Variants in GBE1 observed in about 807,000 individuals in gnomAD.
GBE1 encodes 1,4-alpha-glucan-branching enzyme.
GBE1 carries 70 observed loss-of-function variants against 88.8 expected under a neutral mutation model. The ratio of observed to expected loss-of-function variants is 0.79; its 90% CI spans 0.65 to 0.96. The LOEUF is 0.96. Ranked by LOEUF, GBE1 falls within the 40% of genes least tolerant of loss-of-function variation. The pLI, the probability that GBE1 is intolerant of heterozygous loss-of-function variation, is 0.00. For missense variants in GBE1, 872 were observed against 871.0 expected (o/e 1.00, Z -0.01); for synonymous variants, 284 against 300.1 (o/e 0.95, Z 0.56).
chr3:81,634,644 CAG>C (rs914665609), intron 7 of GBE1, among the ~76,000 whole-genome samples: 51 of 151,784 alleles, frequency 3.4e-4, no homozygotes, highest in African/African-American at 7.7e-4. Context: ...GATCAAGAGA[CAG>C]GGGGAAAAAA....
chr3:81,609,226 A>G (rs183171667), intron 7 of GBE1, among the ~76,000 whole-genome samples: 2 of 152,270 alleles, frequency 1.3e-5, no homozygotes, highest in Non-Finnish European at 2.9e-5. Context: ...CTTTTACTGA[A>G]AACTCAAAAC....
At chr3:81,757,921 G>A (rs1392839280) in intron 1 of GBE1, among the ~76,000 whole-genome samples, 1 of 152,138 alleles carries the variant, frequency 6.6e-6, no homozygotes, top group Admixed American at 6.5e-5. Flanking sequence ...TGATCCCAGG[G>A]AAGAACCTTG....
At chr3:81,533,630 C>T (rs556865392) in intron 14 of GBE1, among the ~76,000 whole-genome samples, 1 of 152,190 alleles carries the variant, frequency 6.6e-6, no homozygotes, top group East Asian at 1.9e-4. Flanking sequence ...TCCACTTCAT[C>T]AAGGGATGTC....
At chr3:81,761,258 T>A in intron 1 of GBE1, 117 bp downstream of exon 1, 1 of 1,353,230 alleles carries the variant, frequency 7.4e-7, no homozygotes, top group Non-Finnish European at 1.0e-6. Context: ...CCACTCAGGT[T>A]CCTCCCCGCC....
At chr3:81,552,244 G>T (rs1438708017) in intron 12 of GBE1, among the ~76,000 whole-genome samples, 2 of 152,182 alleles carry the variant, frequency 1.3e-5, no homozygotes, top group East Asian at 1.9e-4. Context: ...TAGGCTGGGC[G>T]TGGTGGCTCA....
In GBE1 at chr3:81,578,077, G is replaced by A. The variant is rs778264013; in HGVS notation, c.1466C>T (p.Ser489Leu). The change falls in exon 12 of 16, where the codon TCG becomes TTG. Residue 489 changes from serine (S) to leucine (L), a missense_variant. Coordinates refer to ENST00000429644, the MANE Select transcript of GBE1 (RefSeq NM_000158.4). Reference protein sequence around the residue: ...SHDQALVGDKSLAFWLMDAEM... With the variant: ...SHDQALVGDKLLAFWLMDAEM... Reference sequence around the variant, plus strand: ...GGCATCCATCAACCAAAATGCCAGCGACTTATCCCCAACCAATGCCTACAG... The same window carrying A: ...GGCATCCATCAACCAAAATGCCAGCAACTTATCCCCAACCAATGCCTACAG... 6.9e-6 allele frequency: 11 copies of A among 1,602,122 alleles called. No homozygotes were observed. The highest frequency in any genetic ancestry group is 1.7e-5 in the Admixed American group (1 of 58,210).
At chr3:81,610,224 A>C (rs999679655) in intron 7 of GBE1, among the ~76,000 whole-genome samples, 1 of 152,292 alleles carries the variant, frequency 6.6e-6, no homozygotes. Flanking sequence ...AACTCTCCCT[A>C]TCATCATCCA....
chr3:81,722,870 G>GCA (rs1484201815), intron 1 of GBE1, among the ~76,000 whole-genome samples: 17 of 140,082 alleles, frequency 1.2e-4, no homozygotes, highest in South Asian at 6.6e-4. Context: ...ATGTGCATGG[G>GCA]CACACACACG....
intron 7 of GBE1, among the ~76,000 whole-genome samples, chr3:81,617,828 A>G (rs1434640227): frequency 6.6e-6 from 1 of 151,798 alleles, no homozygotes; most frequent in South Asian, 2.1e-4. Flanking sequence ...AAAATTGCCC[A>G]TTGAAAACAC....
intron 2 of GBE1, among the ~76,000 whole-genome samples, chr3:81,697,788 T>A (rs941756729): frequency 6.6e-6 from 1 of 152,036 alleles, no homozygotes; most frequent in Non-Finnish European, 1.5e-5. Context: ...ATTAGAGTCC[T>A]GCTTTGGAGC....
chr3:81,601,469 T>C (rs1365279321), intron 7 of GBE1, among the ~76,000 whole-genome samples: 1 of 152,166 alleles, frequency 6.6e-6, no homozygotes, highest in Non-Finnish European at 1.5e-5. Flanking sequence ...TTCCCACATA[T>C]CTATAATTTT....
intron 7 of GBE1, among the ~76,000 whole-genome samples, chr3:81,628,865 A>G (rs1704460280): frequency 6.8e-6 from 1 of 147,048 alleles, no homozygotes; most frequent in South Asian, 2.1e-4. Context: ...CATTCATTCT[A>G]ATTCACTTAT....
At chr3:81,493,609 C>T (rs1033009322) in intron 15 of GBE1, among the ~76,000 whole-genome samples, 5 of 151,474 alleles carry the variant, frequency 3.3e-5, no homozygotes, top group East Asian at 3.9e-4. Context: ...CTTGGCTCAC[C>T]GCAGCCTCTG....
chr3:81,519,448 T>C (rs1272010940), intron 14 of GBE1, among the ~76,000 whole-genome samples: 1 of 151,458 alleles, frequency 6.6e-6, no homozygotes, highest in Non-Finnish European at 1.5e-5. Context: ...AAGGGGGCTG[T>C]TACTACACTA....
rs117465843 is a variant in GBE1 at position 81,708,113 on chromosome 3, T to A, written c.144-2500A>T. Reference sequence around the variant, plus strand: ...ATATTCATAGGAATTTTACTGAGTATGTAAAACTAGGTTTATAAAATTTGA... The same window carrying A: ...ATATTCATAGGAATTTTACTGAGTAAGTAAAACTAGGTTTATAAAATTTGA... On this transcript the variant is annotated intron_variant, in intron 1 of 15. Coordinates refer to ENST00000429644, the MANE Select transcript of GBE1 (RefSeq NM_000158.4). 7.0e-4 allele frequency among the ~76,000 whole-genome samples: 107 copies of A among 152,158 alleles called. No individual in the cohort carries two copies. In the East Asian group the frequency reaches 0.018, roughly 26 times the overall value.
intron 1 of GBE1, among the ~76,000 whole-genome samples, chr3:81,707,091 C>A (rs1166916411): frequency 6.6e-6 from 1 of 151,670 alleles, no homozygotes; most frequent in Non-Finnish European, 1.5e-5. Context: ...GAAAATTATC[C>A]TAAAGAATTA....
At chr3:81,747,062 C>A (rs947373719) in intron 1 of GBE1, among the ~76,000 whole-genome samples, 2 of 151,688 alleles carry the variant, frequency 1.3e-5, no homozygotes, top group African/African-American at 4.8e-5. Context: ...GGACTTAAAC[C>A]TAAAACATTA....
intron 14 of GBE1, among the ~76,000 whole-genome samples, chr3:81,528,739 C>G (rs1702978903): frequency 6.6e-6 from 1 of 151,920 alleles, no homozygotes; most frequent in Non-Finnish European, 1.5e-5. Context: ...TTATTTGTCT[C>G]TTTTTATAAG....
At chr3:81,610,852 T>G (rs1704172005) in intron 7 of GBE1, among the ~76,000 whole-genome samples, 1 of 152,154 alleles carries the variant, frequency 6.6e-6, no homozygotes, top group Admixed American at 6.5e-5. Flanking sequence ...ATTTAGCCCG[T>G]TAAAAACATA....
Sources: allele counts gnomAD v4.1 joint callset (sites outside exome capture counted in the v4.1 genomes callset), GRCh38; gene constraint gnomAD v4.1.1; transcripts MANE v1.5; gene names NCBI Gene and HGNC (gene_info 2026-07-23, HGNC 2026-07-21).